The following MEGF10 variants were observed in gnomAD, a reference collection of about 807,000 sequenced individuals.
The protein encoded by MEGF10 is multiple EGF like domains 10.
A neutral mutation model predicts 147.5 loss-of-function variants in MEGF10; 86 were observed. The observed-to-expected ratio is 0.58, with a 90% CI of 0.49 to 0.70. The LOEUF is 0.70. MEGF10 is among the 30% of genes least tolerant of loss of function. The probability of loss-of-function intolerance (pLI) is 0.00; values close to 1 mark genes in which losing one functional copy is unlikely to be tolerated. For synonymous variants in MEGF10, 478 were observed against 525.5 expected (o/e 0.91, Z 1.24); for missense variants, 1,329 against 1,487.3 (o/e 0.89, Z 1.75).
chr5:127,394,491 TGATGAATC>T (rs1488869559), intron 5 of MEGF10, among the ~76,000 whole-genome samples: 5 of 152,210 alleles, frequency 3.3e-5, no homozygotes, highest in Non-Finnish European at 5.9e-5. Flanking sequence ...TCTTGAGGAT[TGATGAATC>T]AAGTAACAAG....
the MEGF10 span, among the ~76,000 whole-genome samples, chr5:127,246,198 A>G: frequency 1.3e-5 from 2 of 152,206 alleles, no homozygotes; most frequent in African/African-American, 4.8e-5. Flanking sequence ...AAGACTTGGA[A>G]CCAATCCAAA....
chr5:127,422,889 C>T, intron 13 of MEGF10, 117 bp downstream of exon 13: 3 of 756,052 alleles, frequency 4.0e-6, no homozygotes, highest in Middle Eastern at 2.4e-4. Flanking sequence ...AATGAAAATT[C>T]GATAAGGTTT....
chr5:127,263,314 G>C, the MEGF10 span, among the ~76,000 whole-genome samples: 3 of 140,216 alleles, frequency 2.1e-5, no homozygotes, highest in Admixed American at 6.9e-5. Flanking sequence ...TCTCGGGGGG[G>C]GGGTAAAATT....
intron 1 of MEGF10, among the ~76,000 whole-genome samples, chr5:127,304,076 T>G (rs1223802360): frequency 1.3e-5 from 2 of 152,236 alleles, no homozygotes; most frequent in African/African-American, 2.4e-5. Flanking sequence ...TCCTGGCATA[T>G]TGTATCTCAG....
chr5:127,308,695 A>G (rs1272941801), intron 1 of MEGF10, among the ~76,000 whole-genome samples: 1 of 150,370 alleles, frequency 6.7e-6, no homozygotes, highest in Non-Finnish European at 1.5e-5. Context: ...GGGGAACATC[A>G]CACACCAGAG....
chr5:127,238,611 G>T, the MEGF10 span, among the ~76,000 whole-genome samples: 1 of 152,322 alleles, frequency 6.6e-6, no homozygotes, highest in South Asian at 2.1e-4. Flanking sequence ...GTGGGAAGTG[G>T]CAGGGCGGTC....
intron 4 of MEGF10, among the ~76,000 whole-genome samples, chr5:127,352,390 G>A (rs1052484150): frequency 2.6e-5 from 4 of 152,158 alleles, no homozygotes; most frequent in Non-Finnish European, 5.9e-5. Context: ...TGCTGGGCAT[G>A]GTGGCTCACT....
intron 9 of MEGF10, among the ~76,000 whole-genome samples, chr5:127,411,891 T>A (rs6874260): frequency 6.6e-6 from 1 of 152,276 alleles, no homozygotes; most frequent in African/African-American, 2.4e-5. Flanking sequence ...ACTAAGAACA[T>A]TACACCAGTG....
In MEGF10 at chr5:127,435,425, C is replaced by G. The variant is rs1345310021; in HGVS notation, c.2040C>G (p.Thr680=). ...AGICTCTNNG[T]CNPIDRSCQC... is the part of the protein sequence containing the mutation. ...TTTGTACCTGCACCAACAACGGAACCTGTAACCCCATTGACAGATCTTGTC... is the reference window on the plus strand; with the variant it reads ...TTTGTACCTGCACCAACAACGGAACGTGTAACCCCATTGACAGATCTTGTC... Residue 680 remains threonine, a synonymous_variant, in exon 16 of 25, where the codon ACC becomes ACG. Coordinates refer to ENST00000503335, the MANE Select transcript of MEGF10 (RefSeq NM_001256545.2). 6.2e-7 allele frequency: 1 copy of G among 1,614,130 alleles called. No individual in the cohort carries two copies. Among genetic ancestry groups the G allele is most frequent in the Non-Finnish European group, 8.5e-7 (1 of 1,180,006 alleles).
intron 8 of MEGF10, among the ~76,000 whole-genome samples, chr5:127,410,077 A>C (rs773019288): frequency 1.4e-4 from 22 of 152,210 alleles, no homozygotes; most frequent in Admixed American, 1.4e-3. Context: ...CTAAAGTGCT[A>C]TGTAACTTTG....
chr5:127,430,463 CAT>C lies in MEGF10; in HGVS notation c.1694-2896_1694-2895del, dbSNP rs201292860. ...CTTACATGGAAGTCACATCAGCAGTCATATACCTGGTGCGACTTAGAGAAACA... is the reference window on the plus strand; with the variant it reads ...CTTACATGGAAGTCACATCAGCAGTCATACCTGGTGCGACTTAGAGAAACA... On this transcript the variant is annotated intron_variant, in intron 13 of 24. Transcript: ENST00000503335. 2.2e-4 allele frequency among the ~76,000 whole-genome samples: 34 copies of C among 152,320 alleles called. No individual in the cohort carries two copies. The East Asian group carries it at 6.2e-3, about 28-fold the overall frequency.
At chr5:127,279,065 G>A in the MEGF10 span, among the ~76,000 whole-genome samples, 4 of 152,130 alleles carry the variant, frequency 2.6e-5, no homozygotes, top group South Asian at 2.1e-4. Flanking sequence ...GGATTTTGCC[G>A]GGTGAGTAAA....
At chr5:127,438,711 A>T in intron 17 of MEGF10, 144 bp downstream of exon 17, 1 of 787,090 alleles carries the variant, frequency 1.3e-6, no homozygotes, top group Admixed American at 3.0e-5. Context: ...TAGACATATA[A>T]ATTTCTCTAA....
intron 24 of MEGF10, 77 bp from the exon 25 acceptor site, chr5:127,457,051 A>G: frequency 7.2e-7 from 1 of 1,382,886 alleles, no homozygotes; most frequent in Non-Finnish European, 9.8e-7. Context: ...GGTGTGTTTG[A>G]CATTTGCAAG....
intron 9 of MEGF10, among the ~76,000 whole-genome samples, chr5:127,411,970 CT>C (rs1479046649): frequency 6.6e-6 from 1 of 152,122 alleles, no homozygotes; most frequent in Non-Finnish European, 1.5e-5. Context: ...AGGAAGAGCT[CT>C]GCTATGAGAA....
At position 127,420,146 on chromosome 5, in the gene MEGF10, T is replaced by C. The variant is rs1420275924; in HGVS notation, c.1529T>C (p.Leu510Pro). Residue 510 changes from leucine (L) to proline (P), a missense_variant, in exon 12 of 25, where the codon CTG (leucine) becomes CCG (proline). Coordinates refer to ENST00000503335, the MANE Select transcript of MEGF10 (RefSeq NM_001256545.2). Reference sequence around the variant, plus strand: ...CTCAACGGGGGAGCCTGCAACACCCTGGACGGGACCTGCACGTGTGCACCT... The same window carrying C: ...CTCAACGGGGGAGCCTGCAACACCCCGGACGGGACCTGCACGTGTGCACCT... ...QCLNGGACNT[L>P]DGTCTCAPGW... The C allele has an allele frequency of 3.7e-6, 6 of 1,614,206 alleles. No homozygotes were observed. In the East Asian group the frequency reaches 1.3e-4, roughly 36 times the overall value.
chr5:127,425,890 C>A lies in MEGF10; in HGVS notation c.1693+3118C>A, dbSNP rs190125625. ...TTGCTGTAGGTGAAATATTAAGTATCCCTGGACAGGGCAGAAGTATGTAGG... is the reference window on the plus strand; with the variant it reads ...TTGCTGTAGGTGAAATATTAAGTATACCTGGACAGGGCAGAAGTATGTAGG... On this transcript the variant is annotated intron_variant, in intron 13 of 24. Transcript: ENST00000503335. Among the ~76,000 whole-genome samples, 746 of 152,272 alleles carry A rather than the reference C, an allele frequency of 4.9e-3. 9 individuals carry two copies. The Middle Eastern group carries it at 0.058, about 12-fold the overall frequency.
At chr5:127,410,152 T>A (rs1314422150) in intron 8 of MEGF10, among the ~76,000 whole-genome samples, 1 of 152,264 alleles carries the variant, frequency 6.6e-6, no homozygotes, top group African/African-American at 2.4e-5. Flanking sequence ...TTTCATTTTG[T>A]TGCTGTTGTT....
At chr5:127,302,459 C>T (rs1173010623) in intron 1 of MEGF10, among the ~76,000 whole-genome samples, 2 of 151,968 alleles carry the variant, frequency 1.3e-5, no homozygotes, top group African/African-American at 2.4e-5. Flanking sequence ...TAGTGATTTC[C>T]AGGGTCTGGG....
Sources: gnomAD v4.1 joint callset for allele counts (sites outside exome capture counted in the v4.1 genomes callset) on GRCh38, gnomAD v4.1.1 for gene constraint, MANE v1.5 for transcripts, NCBI Gene and HGNC (gene_info 2026-07-23, HGNC 2026-07-21) for gene names.